The following KCNG3 variants were observed in gnomAD, a reference collection of about 807,000 sequenced individuals.
KCNG3 encodes the protein voltage-gated potassium channel regulatory subunit KCNG3.
In KCNG3, 15 loss-of-function variants were observed where a neutral mutation model predicts 29.0. The ratio of observed to expected loss-of-function variants is 0.52; its 90% CI spans 0.35 to 0.80. The LOEUF is 0.80. Among genes scored for constraint, KCNG3 ranks in the 30% least tolerant of loss-of-function variants. The pLI, the probability that KCNG3 is intolerant of heterozygous loss-of-function variation, is 0.01. For synonymous variants in KCNG3, 322 were observed against 248.9 expected (o/e 1.29, Z -2.76); for missense variants, 512 against 605.7 (o/e 0.85, Z 1.62).
the KCNG3 span, among the ~76,000 whole-genome samples, chr2:42,426,304 A>G: frequency 1.3e-5 from 2 of 152,230 alleles, no homozygotes; most frequent in African/African-American, 4.8e-5. Flanking sequence ...TTATTAGAAA[A>G]TAAAAGCTAT....
chr2:42,394,683 A>C, the KCNG3 span, among the ~76,000 whole-genome samples: 1 of 152,118 alleles, frequency 6.6e-6, no homozygotes, highest in South Asian at 2.1e-4. Flanking sequence ...CCCTGATTTG[A>C]GTTGTCCCGC....
intron 1 of KCNG3, among the ~76,000 whole-genome samples, chr2:42,470,653 T>C (rs116721393): frequency 5.4e-4 from 82 of 152,164 alleles, no homozygotes; most frequent in South Asian, 2.5e-3. Flanking sequence ...GGCAGGCAGA[T>C]AGCTTGAGCC....
chr2:42,475,066 A>G (rs1297159161), intron 1 of KCNG3, among the ~76,000 whole-genome samples: 1 of 152,132 alleles, frequency 6.6e-6, no homozygotes, highest in East Asian at 1.9e-4. Context: ...AACTTCTATA[A>G]CAAAGGTTTA....
At chr2:42,425,225 C>G in the KCNG3 span, 1 of 150,104 alleles carries the variant, frequency 6.7e-6, no homozygotes, top group Non-Finnish European at 1.5e-5. Flanking sequence ...TGGCAAAAAC[C>G]CGACTCTACT....
At chr2:42,388,869 A>AT in the KCNG3 span, among the ~76,000 whole-genome samples, 4 of 149,908 alleles carry the variant, frequency 2.7e-5, no homozygotes, top group Admixed American at 6.7e-5. Context: ...TAAGCACATA[A>AT]TTTTTTTTTT....
intron 1 of KCNG3, among the ~76,000 whole-genome samples, chr2:42,458,092 T>A (rs1168625473): frequency 6.6e-6 from 1 of 152,172 alleles, no homozygotes; most frequent in African/African-American, 2.4e-5. Flanking sequence ...TTTACATTCC[T>A]CACTTGATAC....
At chr2:42,426,436 C>G in the KCNG3 span, among the ~76,000 whole-genome samples, 2 of 152,212 alleles carry the variant, frequency 1.3e-5, no homozygotes, top group Non-Finnish European at 2.9e-5. Context: ...TACAGTACAT[C>G]TGATCCTTCC....
At chr2:42,412,495 T>C in the KCNG3 span, among the ~76,000 whole-genome samples, 1 of 152,198 alleles carries the variant, frequency 6.6e-6, no homozygotes, top group Non-Finnish European at 1.5e-5. Flanking sequence ...ATTTTTTAGA[T>C]AGTGTGTTAA....
At chr2:42,398,388 A>C in the KCNG3 span, among the ~76,000 whole-genome samples, 2 of 152,234 alleles carry the variant, frequency 1.3e-5, no homozygotes, top group South Asian at 4.2e-4. Flanking sequence ...CTGAGCATCC[A>C]GTCTCTTCCT....
At chr2:42,406,937 T>C in the KCNG3 span, among the ~76,000 whole-genome samples, 2 of 152,094 alleles carry the variant, frequency 1.3e-5, no homozygotes, top group Non-Finnish European at 2.9e-5. Flanking sequence ...TAAGAAACAT[T>C]CTATATGATA....
chr2:42,478,910 G>C (rs971013906), intron 1 of KCNG3, among the ~76,000 whole-genome samples: 2 of 151,016 alleles, frequency 1.3e-5, no homozygotes, highest in African/African-American at 2.4e-5. Flanking sequence ...TACAGGTTGA[G>C]TATCTCTTCT....
chr2:42,406,416 T>C, the KCNG3 span, among the ~76,000 whole-genome samples: 2 of 150,054 alleles, frequency 1.3e-5, no homozygotes, highest in Non-Finnish European at 3.0e-5. Context: ...ATGAGGTTTT[T>C]CCATATTGGT....
intron 1 of KCNG3, among the ~76,000 whole-genome samples, chr2:42,451,095 C>T (rs967139987): frequency 2.0e-5 from 3 of 147,108 alleles, no homozygotes; most frequent in Admixed American, 7.0e-5. Context: ...ATCCCAGCTA[C>T]TCGGGAGACT....
chr2:42,485,346 G>A (rs1176714993), intron 1 of KCNG3, among the ~76,000 whole-genome samples: 1 of 151,894 alleles, frequency 6.6e-6, no homozygotes, highest in Non-Finnish European at 1.5e-5. Flanking sequence ...TTGACTAAGG[G>A]GACAAAGTCT....
the KCNG3 span, among the ~76,000 whole-genome samples, chr2:42,433,201 T>C: frequency 6.6e-6 from 1 of 152,200 alleles, no homozygotes; most frequent in East Asian, 1.9e-4. Context: ...AGTAAAATTA[T>C]CTCCAGTTGC....
chr2:42,418,490 G>C, the KCNG3 span, among the ~76,000 whole-genome samples: 1 of 152,166 alleles, frequency 6.6e-6, no homozygotes, highest in Non-Finnish European at 1.5e-5. Flanking sequence ...AATCTGGAAT[G>C]AGGAAAACTT....
At chr2:42,389,064 C>A in the KCNG3 span, among the ~76,000 whole-genome samples, 3 of 152,030 alleles carry the variant, frequency 2.0e-5, no homozygotes, top group Non-Finnish European at 1.5e-5. Flanking sequence ...ATTACAGGCA[C>A]CTGCCACCAC....
At position 42,444,654 on chromosome 2, in the gene KCNG3, G is replaced by T. The variant is rs962260186; in HGVS notation, c.666-75C>A. The T allele has an allele frequency of 4.2e-5, 54 of 1,286,134 alleles. No homozygotes were observed. The highest frequency in any genetic ancestry group is 5.6e-5 in the Non-Finnish European group (52 of 922,882). 79.7% of individuals were successfully genotyped at this position (1,286,134 alleles called of 1,614,324 possible). A position where few individuals can be genotyped will look rare whatever the true frequency, so the allele number is the denominator to read the frequency against. Reference sequence around the variant, plus strand: ...AATAGCTCTTAGATTTCTTCAGATAGTACTACACTGACATACTAATTCAGT... The same window carrying T: ...AATAGCTCTTAGATTTCTTCAGATATTACTACACTGACATACTAATTCAGT... On this transcript the variant is annotated intron_variant, in intron 1 of 1. Coordinates refer to ENST00000306078, the MANE Select transcript of KCNG3 (RefSeq NM_133329.6). This position sits in a 1 kb window ranked among gnomAD's most constrained non-coding sequence, Gnocchi z 5.8.
chr2:42,452,280 C>T (rs887805375), intron 1 of KCNG3, among the ~76,000 whole-genome samples: 1 of 132,122 alleles, frequency 7.6e-6, no homozygotes, highest in East Asian at 2.5e-4. Flanking sequence ...GAATTTTGCT[C>T]TGTCACCCAG....
Sources: allele counts gnomAD v4.1 joint callset (sites outside exome capture counted in the v4.1 genomes callset), GRCh38; gene constraint gnomAD v4.1.1; non-coding constraint Gnocchi (gnomAD v3.1); transcripts MANE v1.5; gene names NCBI Gene and HGNC (gene_info 2026-07-23, HGNC 2026-07-21).